NUP214: variants seen among roughly 807,000 people sequenced by gnomAD.
NUP214 encodes nuclear pore complex protein Nup214.
In NUP214, 79 loss-of-function variants were observed where a neutral mutation model predicts 196.2. The ratio of observed to expected loss-of-function variants is 0.40; its 90% CI spans 0.34 to 0.49. NUP214 has a LOEUF of 0.49. Among genes scored for constraint, NUP214 ranks in the 20% least tolerant of loss-of-function variants. The pLI, the probability that NUP214 is intolerant of heterozygous loss-of-function variation, is 0.58. For synonymous variants in NUP214, 1,020 were observed against 990.5 expected, an observed-to-expected ratio of 1.03 and a Z score of -0.56; for missense variants, 2,468 against 2,539.0, an observed-to-expected ratio of 0.97 and a Z score of 0.60.
chr9:131,209,572 T>G (rs140898169), intron 30 of NUP214, among the ~76,000 whole-genome samples: 1 of 152,130 alleles, frequency 6.6e-6, no homozygotes, highest in African/African-American at 2.4e-5. Context: ...TTTTGTATTT[T>G]TAGTAGAGTT....
intron 16 of NUP214, among the ~76,000 whole-genome samples, chr9:131,151,518 C>G (rs1588134128): frequency 6.6e-6 from 1 of 152,124 alleles, no homozygotes; most frequent in South Asian, 2.1e-4. Context: ...CATTTTCAAT[C>G]ATTAGAATGT....
intron 27 of NUP214, 73 bp from the exon 28 acceptor site, chr9:131,195,160 A>C: frequency 9.5e-7 from 1 of 1,057,492 alleles, no homozygotes; most frequent in Non-Finnish European, 1.4e-6. Context: ...AATGAATGAT[A>C]AAATGGAATA....
chr9:131,182,779 G>C (rs960167545), intron 24 of NUP214, among the ~76,000 whole-genome samples: 2 of 152,044 alleles, frequency 1.3e-5, no homozygotes, highest in African/African-American at 4.8e-5. Flanking sequence ...TATCCCATCT[G>C]TTTGTTGTTC....
intron 3 of NUP214, among the ~76,000 whole-genome samples, chr9:131,129,015 A>G (rs1045019351): frequency 6.6e-6 from 1 of 152,206 alleles, no homozygotes; most frequent in Non-Finnish European, 1.5e-5. Context: ...ATTGTCTGCT[A>G]TTTATTGGTT....
In NUP214 at chr9:131,174,606, G is replaced by A. The variant is rs546966065; in HGVS notation, c.3157+288G>A. Reference sequence around the variant, plus strand: ...TGGGATTACAGGCGTGCACCACCACGCCTGGCTAATTTTTGTATTTTTAGT... The same window carrying A: ...TGGGATTACAGGCGTGCACCACCACACCTGGCTAATTTTTGTATTTTTAGT... On this transcript the variant is annotated intron_variant, in intron 22 of 35. Transcript: ENST00000359428. Among the ~76,000 whole-genome samples, 6 of 151,702 alleles carry A rather than the reference G, an allele frequency of 4.0e-5. No individual in the cohort carries two copies. The East Asian group carries it at 5.8e-4, about 15-fold the overall frequency.
intron 4 of NUP214, among the ~76,000 whole-genome samples, chr9:131,129,917 T>C: frequency 6.6e-6 from 1 of 151,938 alleles, no homozygotes; most frequent in East Asian, 1.9e-4. Context: ...GTATTCTTTA[T>C]ACCCATAGTT....
chr9:131,174,036 T>C lies in NUP214; in HGVS notation c.2894-19T>C. The C allele has an allele frequency of 3.1e-6, 5 of 1,609,546 alleles. No individual in the cohort carries two copies. The highest frequency in any genetic ancestry group is 1.7e-5 in the Admixed American group (1 of 58,672). On this transcript the variant is annotated intron_variant, in intron 21 of 35. Coordinates refer to ENST00000359428, the MANE Select transcript of NUP214 (RefSeq NM_005085.4). ...TGCTTTGAGTTGTCTAAATTGTGTT[T>C]TGTTTGGGGCTTTTGTAGCCAGCCT... is the stretch of plus-strand genomic sequence containing the variant.
chr9:131,230,687 C>T lies in NUP214; in HGVS notation c.6132C>T (p.Pro2044=). 6.2e-7 allele frequency: 1 copy of T among 1,614,156 alleles called. No individual in the cohort carries two copies. The highest frequency in any genetic ancestry group is 1.1e-5 in the South Asian group (1 of 91,076). ...GCACGCTCGCGAGTCAGAATGCCCCCACTTTCGGATCACTGTCCCAACAGA... is the reference window on the plus strand; with the variant it reads ...GCACGCTCGCGAGTCAGAATGCCCCTACTTTCGGATCACTGTCCCAACAGA... ...SFGTLASQNA[P]TFGSLSQQTS... Residue 2044 remains proline, a synonymous_variant, in exon 34 of 36, where the codon CCC becomes CCT. Transcript: ENST00000359428.
rs550946302 is a variant in NUP214, at chr9:131,233,584, A to G, written c.*97A>G. ...GCAGGCTGTTCAGACCGACGTTGCC[A>G]TCAAAACACATACACCCAGAAAGAA... On this transcript the variant is annotated 3_prime_UTR_variant, in exon 36 of 36. Transcript: ENST00000359428. 3.4e-5 allele frequency: 44 copies of G among 1,289,508 alleles called. No homozygotes were observed. The South Asian group carries it at 5.0e-4, about 15-fold the overall frequency. 79.9% of individuals were successfully genotyped at this position (1,289,508 alleles called of 1,614,324 possible).
intron 26 of NUP214, chr9:131,190,191 C>T: frequency 5.2e-6 from 2 of 387,352 alleles, no homozygotes; most frequent in South Asian, 1.4e-4. Context: ...CACTTCTCGA[C>T]CGGGGCCTAA....
In NUP214 at chr9:131,125,828, T is replaced by G. The variant is rs1183356088; in HGVS notation, c.45+79T>G. 2.7e-6 allele frequency: 4 copies of G among 1,490,174 alleles called. No individual in the cohort carries two copies. Among genetic ancestry groups the G allele is most frequent in the Non-Finnish European group, 3.7e-6 (4 of 1,094,678 alleles). The allele number at this position is 1,490,174 out of a possible 1,614,324, so 92.3% of individuals were successfully genotyped here. On this transcript the variant is annotated intron_variant, in intron 1 of 35. Coordinates refer to ENST00000359428, the MANE Select transcript of NUP214 (RefSeq NM_005085.4). This position sits in a 1 kb window ranked among gnomAD's most constrained non-coding sequence, Gnocchi z 4.1. ...AGCCCAGCTGAAAGGCGAAGCGCGG[T>G]GCTGGCTGTCCCGCCTCCTGCTTGA...
chr9:131,171,931 AT>A (rs1182652168), intron 21 of NUP214, among the ~76,000 whole-genome samples: 1 of 152,044 alleles, frequency 6.6e-6, no homozygotes, highest in Non-Finnish European at 1.5e-5. Flanking sequence ...TATGTGCCAC[AT>A]TTTCTTAAAC....
rs745625211 is a variant in NUP214 at position 131,178,426 on chromosome 9, AGT to A, written c.3419+21_3419+22del. The A allele has an allele frequency of 3.9e-5, 61 of 1,575,618 alleles. No homozygotes were observed. Among genetic ancestry groups the A allele is most frequent in the Non-Finnish European group, 5.0e-5 (57 of 1,146,228 alleles). On this transcript the variant is annotated intron_variant, in intron 24 of 35. Transcript: ENST00000359428. ...CAGCCATGGGGTATGTTCTGACTGCAGTGTGTTTCAGCCCCTGGCTGCTTCTG... is the reference window on the plus strand; with the variant it reads ...CAGCCATGGGGTATGTTCTGACTGCAGTGTTTCAGCCCCTGGCTGCTTCTG...
chr9:131,174,459 T>TC (rs1364514923), intron 22 of NUP214, 141 bp downstream of exon 22: 2 of 792,344 alleles, frequency 2.5e-6, no homozygotes, highest in Admixed American at 4.0e-5. Context: ...TTTTTTCTTT[T>TC]TTTTTTTGAG....
chr9:131,153,656 G>A (rs964366294), intron 17 of NUP214, among the ~76,000 whole-genome samples: 1 of 152,206 alleles, frequency 6.6e-6, no homozygotes, highest in African/African-American at 2.4e-5. Flanking sequence ...GTGCTAAGTA[G>A]ATAATACTAG....
rs1339556806 is a variant in NUP214, at chr9:131,134,984, C to T, written c.918C>T (p.Tyr306=). ...GSCTERQHHY[Y]LSYIEEWDLV... ...GCACGGAGAGACAGCATCATTACTACCTCAGTTACATTGAGGAATGGTGAG... is the reference window on the plus strand; with the variant it reads ...GCACGGAGAGACAGCATCATTACTATCTCAGTTACATTGAGGAATGGTGAG... Residue 306 remains tyrosine, a synonymous_variant, in exon 8 of 36, where the codon TAC becomes TAT. Transcript: ENST00000359428. 3 of 1,612,216 alleles carry T rather than the reference C, an allele frequency of 1.9e-6. No individual in the cohort carries two copies. Among genetic ancestry groups the T allele is most frequent in the Non-Finnish European group, 1.7e-6 (2 of 1,178,366 alleles).
At position 131,143,083 on chromosome 9, in the gene NUP214, T is replaced by G. The variant is rs566482320; in HGVS notation, c.1295-1197T>G. Among the ~76,000 whole-genome samples, 9 of 152,340 alleles carry G rather than the reference T, an allele frequency of 5.9e-5. No homozygotes were observed. The East Asian group carries it at 1.7e-3, about 29-fold the overall frequency. ...GTGTAGTGGCAGGATCTTGGCTCACTGCAGCCTCTGTCTCCCAAGTCCAAG... is the reference window on the plus strand; with the variant it reads ...GTGTAGTGGCAGGATCTTGGCTCACGGCAGCCTCTGTCTCCCAAGTCCAAG... On this transcript the variant is annotated intron_variant, in intron 11 of 35. Coordinates refer to ENST00000359428, the MANE Select transcript of NUP214 (RefSeq NM_005085.4).
chr9:131,181,496 T>C (rs1833277202), intron 24 of NUP214, among the ~76,000 whole-genome samples: 1 of 152,230 alleles, frequency 6.6e-6, no homozygotes, highest in African/African-American at 2.4e-5. Context: ...CACTCATTAT[T>C]GACTATCTTT....
chr9:131,230,709 C>T lies in NUP214; in HGVS notation c.6154C>T (p.Gln2052Ter). The change falls in exon 34 of 36, where the codon CAG becomes TAG. Residue 2052 changes from glutamine (Q) to a stop codon, truncating the protein, a stop_gained. Transcript: ENST00000359428. LOFTEE classifies it high-confidence loss of function. Reference protein sequence around the residue: ...NAPTFGSLSQQTSGFGTQSSG... With the variant: ...NAPTFGSLSQ ...CCCCACTTTCGGATCACTGTCCCAA[C>T]AGACTTCTGGTTTTGGGACCCAGAG... 1 of 1,614,166 alleles carries T rather than the reference C, an allele frequency of 6.2e-7. No individual in the cohort carries two copies. The highest frequency in any genetic ancestry group is 8.5e-7 in the Non-Finnish European group (1 of 1,180,028).
Sources: gnomAD v4.1 joint callset for allele counts (sites outside exome capture counted in the v4.1 genomes callset) on GRCh38, gnomAD v4.1.1 for gene constraint, Gnocchi (gnomAD v3.1) non-coding constraint, MANE v1.5 for transcripts, NCBI Gene and HGNC (gene_info 2026-07-23, HGNC 2026-07-21) for gene names.